The following SYNE2 variants were observed in gnomAD, a reference collection of about 807,000 sequenced individuals.
SYNE2 encodes spectrin repeat containing nuclear envelope protein 2.
In SYNE2, 431 loss-of-function variants were observed where a neutral mutation model predicts 856.3. The observed-to-expected ratio is 0.50, with a 90% CI of 0.47 to 0.55. The LOEUF is 0.55. SYNE2 is among the 20% of genes least tolerant of loss of function. The pLI is 0.00. For synonymous variants in SYNE2, 2,923 were observed against 2,872.3 expected (o/e 1.02, Z -0.56); for missense variants, 8,129 against 8,023.2 (o/e 1.01, Z -0.50).
At chr14:64,163,662 A>G (rs899064580) in intron 89 of SYNE2, 81 bp downstream of exon 89, 6 of 1,549,990 alleles carry the variant, frequency 3.9e-6, no homozygotes, top group Non-Finnish European at 5.3e-6. Flanking sequence ...TTGAAGCAGT[A>G]GTGCTTTACG....
At chr14:64,123,588 TC>T (rs2097914605) in intron 70 of SYNE2, among the ~76,000 whole-genome samples, 1 of 152,190 alleles carries the variant, frequency 6.6e-6, no homozygotes, top group Non-Finnish European at 1.5e-5. Context: ...ATTAGTTCTT[TC>T]CCCAAGCAGA....
chr14:64,136,429 G>A (rs1303407479), intron 78 of SYNE2, among the ~76,000 whole-genome samples: 1 of 151,592 alleles, frequency 6.6e-6, no homozygotes, highest in Non-Finnish European at 1.5e-5. Context: ...GACACGGGGG[G>A]GAGGGGATTA....
At chr14:64,036,147 A>T (rs1595027609) in intron 45 of SYNE2, among the ~76,000 whole-genome samples, 1 of 151,700 alleles carries the variant, frequency 6.6e-6, no homozygotes, top group South Asian at 2.1e-4. Flanking sequence ...ACCTTGTCAT[A>T]TAATCCTGGC....
At chr14:63,922,705 G>A (rs2095615289) in intron 2 of SYNE2, among the ~76,000 whole-genome samples, 1 of 151,986 alleles carries the variant, frequency 6.6e-6, no homozygotes, top group Non-Finnish European at 1.5e-5. Context: ...GCTATTTTTT[G>A]CCAGGCCCTT....
chr14:64,195,866 G>C (rs2098538625), intron 99 of SYNE2, among the ~76,000 whole-genome samples: 1 of 152,070 alleles, frequency 6.6e-6, no homozygotes, highest in Non-Finnish European at 1.5e-5. Context: ...GATTATTTTA[G>C]CACAGGGAGA....
chr14:63,959,905 A>G (rs1277330475), intron 8 of SYNE2, among the ~76,000 whole-genome samples: 1 of 152,332 alleles, frequency 6.6e-6, no homozygotes, highest in East Asian at 1.9e-4. Context: ...TGAAATAGAC[A>G]CTATAGTAAA....
In SYNE2 at chr14:64,140,731, A is replaced by G. The variant is rs529859020; in HGVS notation, c.14977-610A>G. 3.5e-4 allele frequency among the ~76,000 whole-genome samples: 53 copies of G among 152,358 alleles called. 1 individual carries two copies. The highest frequency in any genetic ancestry group is 1.3e-3 in the African/African-American group (53 of 41,584). On this transcript the variant is annotated intron_variant, in intron 80 of 115. Coordinates refer to ENST00000555002, the MANE Select transcript of SYNE2 (RefSeq NM_182914.3). ...TGTAAACAAAATTGATATTTCTACT[A>G]AAAAGCTTTTGTTCCATTGTTTTGA... is the stretch of plus-strand genomic sequence containing the variant.
intron 59 of SYNE2, 31 bp from the exon 60 acceptor site, chr14:64,090,835 T>A: frequency 1.3e-6 from 2 of 1,596,112 alleles, no homozygotes; most frequent in South Asian, 2.2e-5. Flanking sequence ...GTCTTTTCAT[T>A]TCTGTAACAT....
chr14:63,838,454 A>G (rs1889936070), intron 1 of SYNE2, among the ~76,000 whole-genome samples: 1 of 152,226 alleles, frequency 6.6e-6, no homozygotes, highest in African/African-American at 2.4e-5. Context: ...TTTTATTTAG[A>G]AAAATAATGT....
chr14:64,040,597 A>AAT (rs3031304), intron 45 of SYNE2, among the ~76,000 whole-genome samples: 106,212 of 142,354 alleles, frequency 0.75, 40,453 homozygotes, highest in Non-Finnish European at 0.83. Flanking sequence ...TGAGGTTAAA[A>AAT]ATATATATAT....
intron 51 of SYNE2, among the ~76,000 whole-genome samples, chr14:64,067,095 AT>A (rs1166989096): frequency 2.0e-5 from 3 of 152,210 alleles, no homozygotes; most frequent in Non-Finnish European, 4.4e-5. Context: ...ATTTACAATT[AT>A]GTGTTATTAA....
chr14:63,811,841 G>A (rs1888626025), intron 1 of SYNE2, among the ~76,000 whole-genome samples: 1 of 152,072 alleles, frequency 6.6e-6, no homozygotes, highest in African/African-American at 2.4e-5. Flanking sequence ...CAGGGAGTAG[G>A]TCACAAAGAT....
chr14:64,224,420 A>C, intron 113 of SYNE2, 41 bp from the exon 114 acceptor site: 1 of 1,583,912 alleles, frequency 6.3e-7, no homozygotes, highest in Non-Finnish European at 8.7e-7. Flanking sequence ...AATATGCATG[A>C]AACACATTTC....
At chr14:64,048,581 A>T (rs979117127) in intron 46 of SYNE2, 2 of 155,898 alleles carry the variant, frequency 1.3e-5, no homozygotes, top group African/African-American at 4.8e-5. Flanking sequence ...TTGTAAAGTA[A>T]TCTAAAAATC....
chr14:64,189,126 G>A (rs1222252648), intron 98 of SYNE2: 1 of 620,186 alleles, frequency 1.6e-6, no homozygotes, highest in Non-Finnish European at 2.9e-6. Context: ...CTGAGGTCAA[G>A]AGTTCAAGAC....
intron 3 of SYNE2, among the ~76,000 whole-genome samples, chr14:63,941,470 C>T (rs1051261116): frequency 6.6e-6 from 1 of 152,158 alleles, no homozygotes; most frequent in African/African-American, 2.4e-5. Context: ...GAAAGCTCCA[C>T]GCAGAAAGGG....
intron 1 of SYNE2, among the ~76,000 whole-genome samples, chr14:63,837,146 A>G (rs1357680312): frequency 1.3e-5 from 2 of 152,242 alleles, no homozygotes; most frequent in Non-Finnish European, 2.9e-5. Flanking sequence ...TAACTCTTAT[A>G]TTATGGTCAA....
At chr14:63,878,682 A>G (rs569621020) in intron 1 of SYNE2, among the ~76,000 whole-genome samples, 1 of 152,244 alleles carries the variant, frequency 6.6e-6, no homozygotes, top group Admixed American at 6.5e-5. Context: ...AGCTGGGATT[A>G]CAGGCATCTG....
intron 53 of SYNE2, among the ~76,000 whole-genome samples, chr14:64,074,473 G>T (rs2153604147): frequency 6.6e-6 from 1 of 152,308 alleles, no homozygotes; most frequent in Middle Eastern, 3.4e-3. Flanking sequence ...GTAGGACATG[G>T]CGCCTTGTCT....
Sources: allele counts gnomAD v4.1 joint callset (sites outside exome capture counted in the v4.1 genomes callset), GRCh38; gene constraint gnomAD v4.1.1; transcripts MANE v1.5; gene names NCBI Gene and HGNC (gene_info 2026-07-23, HGNC 2026-07-21).